COL28A1: variants seen among roughly 807,000 people sequenced by gnomAD.
COL28A1 encodes collagen alpha-1(XXVIII) chain.
COL28A1 carries 161 observed loss-of-function variants against 150.2 expected under a neutral mutation model. The observed-to-expected ratio is 1.07, with a 90% CI of 0.94 to 1.22. The LOEUF is 1.22. Ranked by LOEUF, COL28A1 falls within the 50% of genes most tolerant of loss-of-function variation. The pLI is 0.00. For missense variants in COL28A1, 1,617 were observed against 1,388.3 expected, an observed-to-expected ratio of 1.16 and a Z score of -2.62; for synonymous variants, 552 against 469.7, an observed-to-expected ratio of 1.18 and a Z score of -2.26.
In COL28A1 at chr7:7,511,139, A is replaced by T; in HGVS notation, c.883-4T>A. 1 of 1,606,744 alleles carries T rather than the reference A, an allele frequency of 6.2e-7. No individual in the cohort carries two copies. Among genetic ancestry groups the T allele is most frequent in the Non-Finnish European group, 8.5e-7 (1 of 1,173,516 alleles). ...TACCACATTCCCCACGTTCACCCTAAAAAATAAATAAGTGAAATAAATAAG... is the reference window on the plus strand; with the variant it reads ...TACCACATTCCCCACGTTCACCCTATAAAATAAATAAGTGAAATAAATAAG... On this transcript the variant is annotated splice_polypyrimidine_tract_variant and splice_region_variant and intron_variant, in intron 8 of 34. Coordinates refer to ENST00000399429, the MANE Select transcript of COL28A1 (RefSeq NM_001037763.3).
chr7:7,538,020 T>TG (rs1362401497), upstream of COL28A1, among the ~76,000 whole-genome samples: 1 of 152,194 alleles, frequency 6.6e-6, no homozygotes, highest in African/African-American at 2.4e-5. Flanking sequence ...GGTGGGAGGT[T>TG]GGAGTCCAAC....
chr7:7,376,347 T>C (rs1009572870), intron 30 of COL28A1, among the ~76,000 whole-genome samples: 2 of 152,228 alleles, frequency 1.3e-5, no homozygotes, highest in Non-Finnish European at 2.9e-5. Context: ...AAATCTATAA[T>C]GTCAAATCGA....
At chr7:7,471,603 G>A (rs1788437766) in intron 15 of COL28A1, among the ~76,000 whole-genome samples, 1 of 152,156 alleles carries the variant, frequency 6.6e-6, no homozygotes, top group Non-Finnish European at 1.5e-5. Context: ...CACATGAACA[G>A]AATAAAACAG....
chr7:7,338,574 A>T, the COL28A1 span, among the ~76,000 whole-genome samples: 7 of 152,170 alleles, frequency 4.6e-5, no homozygotes, highest in East Asian at 1.3e-3. Flanking sequence ...GATGTTTATC[A>T]GGTCTAAGAG....
At chr7:7,479,745 T>C (rs1421523965) in intron 13 of COL28A1, among the ~76,000 whole-genome samples, 1 of 152,202 alleles carries the variant, frequency 6.6e-6, no homozygotes, top group African/African-American at 2.4e-5. Context: ...ACTTCTCACA[T>C]GAGTTAAGAA....
At chr7:7,379,366 C>A (rs893374160) in intron 30 of COL28A1, among the ~76,000 whole-genome samples, 3 of 152,190 alleles carry the variant, frequency 2.0e-5, no homozygotes, top group African/African-American at 4.8e-5. Context: ...GATGTCCCTA[C>A]TTCTAAGGTC....
At chr7:7,396,278 AAAG>A (rs1782830103) in intron 27 of COL28A1, among the ~76,000 whole-genome samples, 1 of 152,216 alleles carries the variant, frequency 6.6e-6, no homozygotes, top group African/African-American at 2.4e-5. Context: ...GCCCATGTGC[AAAG>A]AATTGAGCTC....
chr7:7,432,833 G>C (rs145047447), intron 23 of COL28A1, 133 bp from the exon 24 acceptor site: 1 of 656,880 alleles, frequency 1.5e-6, no homozygotes, highest in African/African-American at 1.8e-5. Context: ...CTTATTGCTA[G>C]TACTTTAATT....
chr7:7,457,609 T>C (rs1445058722), intron 15 of COL28A1, among the ~76,000 whole-genome samples: 2 of 152,094 alleles, frequency 1.3e-5, no homozygotes, highest in South Asian at 2.1e-4. Flanking sequence ...TTAAAGGCCA[T>C]AATTGAGTGA....
intron 27 of COL28A1, among the ~76,000 whole-genome samples, chr7:7,414,047 G>A (rs1204221186): frequency 6.6e-6 from 1 of 152,178 alleles, no homozygotes; most frequent in East Asian, 1.9e-4. Context: ...TGGAGATGGG[G>A]AAACTGGCAT....
At chr7:7,377,557 T>A (rs1781625908) in intron 30 of COL28A1, among the ~76,000 whole-genome samples, 1 of 152,142 alleles carries the variant, frequency 6.6e-6, no homozygotes, top group East Asian at 1.9e-4. Flanking sequence ...CGGCCTTCTG[T>A]CAGAGCATAC....
intron 11 of COL28A1, among the ~76,000 whole-genome samples, chr7:7,500,857 G>T (rs902660110): frequency 1.3e-5 from 2 of 152,168 alleles, no homozygotes; most frequent in Non-Finnish European, 2.9e-5. Flanking sequence ...GTTCGGAAAA[G>T]TAGGGTATCC....
chr7:7,425,877 C>G (rs1320270602), intron 25 of COL28A1, among the ~76,000 whole-genome samples: 1 of 152,094 alleles, frequency 6.6e-6, no homozygotes, highest in African/African-American at 2.4e-5. Context: ...AAGGAAACAA[C>G]CCATTATACC....
chr7:7,386,245 C>T (rs911022092), intron 27 of COL28A1, among the ~76,000 whole-genome samples: 2 of 152,044 alleles, frequency 1.3e-5, no homozygotes, highest in Non-Finnish European at 2.9e-5. Flanking sequence ...CGTCAGGAAA[C>T]AATGATTTTT....
the COL28A1 span, among the ~76,000 whole-genome samples, chr7:7,543,032 G>GT: frequency 3.4e-3 from 513 of 152,268 alleles, 2 homozygotes; most frequent in African/African-American, 0.012. Flanking sequence ...ATATACATAC[G>GT]TAAGTTTATC....
chr7:7,457,638 A>C (rs1787274323), intron 15 of COL28A1, among the ~76,000 whole-genome samples: 1 of 152,206 alleles, frequency 6.6e-6, no homozygotes, highest in Admixed American at 6.5e-5. Context: ...AGTAATAGAA[A>C]AAAGAGATGG....
the COL28A1 span, among the ~76,000 whole-genome samples, chr7:7,351,071 G>C: frequency 6.6e-5 from 10 of 152,098 alleles, no homozygotes; most frequent in Admixed American, 2.0e-4. Context: ...CCAAACTAGA[G>C]GGATATTTTG....
intron 13 of COL28A1, among the ~76,000 whole-genome samples, chr7:7,483,317 G>A (rs530211776): frequency 1.3e-5 from 2 of 152,236 alleles, no homozygotes; most frequent in South Asian, 2.1e-4. Context: ...GGGTATAGTA[G>A]GATGTAACTC....
intron 11 of COL28A1, among the ~76,000 whole-genome samples, chr7:7,491,466 G>C (rs188415077): frequency 5.9e-5 from 9 of 152,316 alleles, no homozygotes; most frequent in Middle Eastern, 6.8e-3. Context: ...AACTGATCCA[G>C]TCCTGGACTA....
Sources: allele counts gnomAD v4.1 joint callset (sites outside exome capture counted in the v4.1 genomes callset), GRCh38; gene constraint gnomAD v4.1.1; transcripts MANE v1.5; gene names NCBI Gene and HGNC (gene_info 2026-07-23, HGNC 2026-07-21).